Variants in PDE11A observed in about 807,000 individuals in gnomAD.
PDE11A encodes dual 3',5'-cyclic-AMP and -GMP phosphodiesterase 11A.
A neutral mutation model predicts 100.5 loss-of-function variants in PDE11A; 100 were observed. The observed-to-expected ratio is 1.00, with a 90% confidence interval of 0.85 to 1.18. The LOEUF (loss-of-function observed/expected upper bound fraction) is 1.18, where lower values mean the gene tolerates loss of function less well. Ranked by LOEUF, PDE11A falls within the 50% of genes most tolerant of loss-of-function variation. The pLI is 0.00. For synonymous variants in PDE11A, 381 were observed against 420.8 expected, an observed-to-expected ratio of 0.91 and a Z score of 1.16; for missense variants, 1,141 against 1,152.6, an observed-to-expected ratio of 0.99 and a Z score of 0.15.
intron 1 of PDE11A, among the ~76,000 whole-genome samples, chr2:178,023,606 A>G (rs1300095377): frequency 6.6e-6 from 1 of 152,192 alleles, no homozygotes; most frequent in Non-Finnish European, 1.5e-5. Context: ...ATTTTTAAAA[A>G]CCAGAATCTT....
intron 3 of PDE11A, among the ~76,000 whole-genome samples, chr2:177,903,094 G>A (rs954650325): frequency 7.9e-5 from 12 of 151,986 alleles, no homozygotes; most frequent in Non-Finnish European, 1.3e-4. Context: ...CTGCCTCCAC[G>A]TCCTCATTTT....
intron 16 of PDE11A, 162 bp from the exon 17 acceptor site, chr2:177,675,680 AG>A: frequency 2.8e-6 from 2 of 711,090 alleles, no homozygotes; most frequent in Non-Finnish European, 5.2e-6. Context: ...CCCTGTGTTC[AG>A]CATCTCCATC....
intron 7 of PDE11A, 137 bp from the exon 8 acceptor site, chr2:177,818,062 C>T (rs1212041023): frequency 1.7e-5 from 11 of 663,168 alleles, no homozygotes; most frequent in Middle Eastern, 2.6e-4. Context: ...AAGTGCCTGC[C>T]GATTTCATGA....
At chr2:177,784,432 G>T (rs565891354) in intron 9 of PDE11A, among the ~76,000 whole-genome samples, 1 of 152,022 alleles carries the variant, frequency 6.6e-6, no homozygotes, top group Non-Finnish European at 1.5e-5. Flanking sequence ...AACGGGAGAG[G>T]ATCCCTCAAT....
chr2:177,914,137 T>A lies in PDE11A; in HGVS notation c.1072-8950A>T, dbSNP rs147307490. ...TGATTAATAGATTGAACACTTTTCA[T>A]AATTTGTTGGTTGTCTGTATTTTAA... On this transcript the variant is annotated intron_variant, in intron 2 of 19. Transcript: ENST00000286063. 1.6e-4 allele frequency among the ~76,000 whole-genome samples: 24 copies of A among 152,314 alleles called. No homozygotes were observed. In the East Asian group the frequency reaches 4.6e-3, roughly 29 times the overall value.
At chr2:177,962,299 G>A (rs2085644416) in intron 2 of PDE11A, among the ~76,000 whole-genome samples, 1 of 151,892 alleles carries the variant, frequency 6.6e-6, no homozygotes, top group African/African-American at 2.4e-5. Flanking sequence ...GCACTTGGTA[G>A]GCATTAAATA....
At chr2:177,937,098 G>A (rs568042908) in intron 2 of PDE11A, among the ~76,000 whole-genome samples, 8 of 152,168 alleles carry the variant, frequency 5.3e-5, no homozygotes, top group Middle Eastern at 3.4e-3. Flanking sequence ...ACAGAAGAAC[G>A]TTGTACGTGC....
chr2:177,893,597 C>A (rs930326629), intron 4 of PDE11A, among the ~76,000 whole-genome samples: 8 of 152,244 alleles, frequency 5.3e-5, no homozygotes, highest in African/African-American at 1.9e-4. Flanking sequence ...TGATATCAAT[C>A]TTTTTTTCCT....
intron 19 of PDE11A, among the ~76,000 whole-genome samples, chr2:177,648,610 A>T (rs1325877089): frequency 6.6e-6 from 1 of 152,168 alleles, no homozygotes; most frequent in Non-Finnish European, 1.5e-5. Flanking sequence ...GAAAATATTG[A>T]AAAAGAATAA....
At chr2:178,059,466 C>T (rs1318465511) in intron 1 of PDE11A, among the ~76,000 whole-genome samples, 4 of 152,312 alleles carry the variant, frequency 2.6e-5, no homozygotes, top group Admixed American at 6.5e-5. Context: ...TACCATGGGT[C>T]GGGTGGCTGC....
intron 10 of PDE11A, among the ~76,000 whole-genome samples, chr2:177,746,173 A>G (rs1250021349): frequency 2.0e-5 from 3 of 152,334 alleles, no homozygotes; most frequent in Non-Finnish European, 4.4e-5. Context: ...AAGCAGGAAA[A>G]ATGGGTCTAA....
At chr2:177,980,338 G>A (rs971947151) in intron 2 of PDE11A, among the ~76,000 whole-genome samples, 6 of 150,954 alleles carry the variant, frequency 4.0e-5, no homozygotes, top group African/African-American at 4.8e-5. Context: ...TGGTCTAACC[G>A]TAATTCTTTT....
intron 2 of PDE11A, among the ~76,000 whole-genome samples, chr2:177,943,518 T>C (rs1484772460): frequency 6.6e-6 from 1 of 152,228 alleles, no homozygotes; most frequent in Non-Finnish European, 1.5e-5. Context: ...TTCTTAGACA[T>C]TTGTATATCA....
At chr2:177,941,486 C>T (rs995051892) in intron 2 of PDE11A, among the ~76,000 whole-genome samples, 25 of 151,990 alleles carry the variant, frequency 1.6e-4, no homozygotes, top group Admixed American at 1.4e-3. Context: ...TCCCAAAATA[C>T]CGAGTACCCT....
At chr2:177,793,965 T>C (rs1376197305) in intron 9 of PDE11A, among the ~76,000 whole-genome samples, 2 of 152,164 alleles carry the variant, frequency 1.3e-5, no homozygotes, top group South Asian at 2.1e-4. Context: ...ATTTATTCAG[T>C]ATCAGCTATG....
chr2:177,949,849 ATCAT>A (rs1485728919), intron 2 of PDE11A, among the ~76,000 whole-genome samples: 1 of 152,200 alleles, frequency 6.6e-6, no homozygotes, highest in East Asian at 1.9e-4. Context: ...CTTTTCTACT[ATCAT>A]TCTTATAGGG....
chr2:177,705,674 G>A (rs1388321416), intron 13 of PDE11A, among the ~76,000 whole-genome samples: 1 of 152,234 alleles, frequency 6.6e-6, no homozygotes, highest in African/African-American at 2.4e-5. Flanking sequence ...CTGAATGGCA[G>A]TGTGCAGCTG....
chr2:177,961,244 GA>G (rs1487576223), intron 2 of PDE11A, among the ~76,000 whole-genome samples: 3 of 151,228 alleles, frequency 2.0e-5, no homozygotes, highest in Non-Finnish European at 2.9e-5. Flanking sequence ...AAGAGAATGT[GA>G]ATTTTGGCCT....
At chr2:177,888,652 T>C in intron 4 of PDE11A, 1 of 947,778 alleles carries the variant, frequency 1.1e-6, no homozygotes, top group African/African-American at 1.8e-5. Flanking sequence ...AACCAAGCCA[T>C]GCATGTCAGG....
Sources: allele counts gnomAD v4.1 joint callset (sites outside exome capture counted in the v4.1 genomes callset), GRCh38; gene constraint gnomAD v4.1.1; transcripts MANE v1.5; gene names NCBI Gene and HGNC (gene_info 2026-07-23, HGNC 2026-07-21).